Variants in ZDHHC11B observed in about 807,000 individuals in gnomAD.
ZDHHC11B encodes the protein zDHHC palmitoyltransferase 11B (putative).
A neutral mutation model predicts 42.3 loss-of-function variants in ZDHHC11B; 17 were observed. That is an observed-to-expected ratio of 0.40 (90% CI 0.27 to 0.60). The LOEUF (loss-of-function observed/expected upper bound fraction) is 0.60. Among genes scored for constraint, ZDHHC11B ranks in the 20% least tolerant of loss-of-function variants. The pLI, the probability that ZDHHC11B is intolerant of heterozygous loss-of-function variation, is 0.41. For synonymous variants in ZDHHC11B, 123 were observed against 193.5 expected, an observed-to-expected ratio of 0.64 and a Z score of 3.02; for missense variants, 262 against 463.2, an observed-to-expected ratio of 0.57 and a Z score of 3.99.
rs200283481 is a variant in ZDHHC11B, at chr5:774,939, A to C, written c.-229-6009T>G. ...GCCTACACCACTGCTCTTCACGTGG[A>C]TGGCTGTGGGGTGGCTGAGCCTTGC... On this transcript the variant is annotated intron_variant, in intron 1 of 13. Transcript: ENST00000508859. Among the ~76,000 whole-genome samples, 340 of 151,934 alleles carry C rather than the reference A, an allele frequency of 2.2e-3. No individual in the cohort carries two copies. The East Asian group carries it at 0.06, about 27-fold the overall frequency.
In ZDHHC11B at chr5:771,674, C is replaced by T. The variant is rs577424828; in HGVS notation, c.-229-2744G>A. ...TCCCCTGGGCCTCTGCAGCAGGGGT[C>T]GCTGGACAGGAGGAGCAGCTGAGAA... is the stretch of plus-strand genomic sequence containing the variant. On this transcript the variant is annotated intron_variant, in intron 1 of 13. Transcript: ENST00000508859. Among the ~76,000 whole-genome samples the T allele has an allele frequency of 1.3e-3, 193 of 151,794 alleles. 2 individuals carry two copies. Among genetic ancestry groups the T allele is most frequent in the African/African-American group, 4.5e-3 (188 of 41,376 alleles).
intron 11 of ZDHHC11B, among the ~76,000 whole-genome samples, chr5:730,865 A>G (rs1396120826): frequency 6.6e-6 from 1 of 151,890 alleles, no homozygotes; most frequent in Non-Finnish European, 1.5e-5. Flanking sequence ...GTGAGAGGAC[A>G]CAGAGAACAG....
At chr5:739,946 C>T (rs1743982590) in intron 10 of ZDHHC11B, among the ~76,000 whole-genome samples, 1 of 151,812 alleles carries the variant, frequency 6.6e-6, no homozygotes, top group African/African-American at 2.4e-5. Context: ...TACTACTCAG[C>T]CATAAAAAGG....
intron 1 of ZDHHC11B, among the ~76,000 whole-genome samples, chr5:775,708 C>T (rs1302245694): frequency 6.6e-6 from 1 of 151,808 alleles, no homozygotes; most frequent in African/African-American, 2.4e-5. Flanking sequence ...GAGACGCCGC[C>T]CAGGAGTCCA....
chr5:733,806 T>A lies in ZDHHC11B; in HGVS notation c.969A>T (p.Lys323Asn). 2 of 1,489,462 alleles carry A rather than the reference T, an allele frequency of 1.3e-6. No individual in the cohort carries two copies. The highest frequency in any genetic ancestry group is 1.8e-6 in the Non-Finnish European group (2 of 1,116,356). The allele number at this position is 1,489,462 out of a possible 1,614,324, so 92.3% of individuals were successfully genotyped here. Reference sequence around the variant, plus strand: ...CTGAAGTGCAGAAGTGACATGGGCATTTGTAAATCAGCAGGGAGCTCTTGG... The same window carrying A: ...CTGAAGTGCAGAAGTGACATGGGCAATTGTAAATCAGCAGGGAGCTCTTGG... ...VKAKSSLLIYKCPCHFCTSVN... is the reference protein window; with the variant it reads ...VKAKSSLLIYNCPCHFCTSVN... Residue 323 changes from lysine (K) to asparagine (N), a missense_variant, in exon 11 of 14, where the codon AAA (lysine) becomes AAT (asparagine). Physicochemically the swap from Lys to Asn is moderately conservative, Grantham distance 94. This residue lies in a region of ZDHHC11B where 75 missense variants were observed against 70.1 expected (regional missense o/e 1.07). Coordinates refer to ENST00000508859, the MANE Select transcript of ZDHHC11B (RefSeq NM_001351303.2).
chr5:769,839 C>G (rs1346928126), intron 1 of ZDHHC11B, among the ~76,000 whole-genome samples: 1 of 152,052 alleles, frequency 6.6e-6, no homozygotes, highest in South Asian at 2.1e-4. Flanking sequence ...AGACTGAGCT[C>G]GGGATGTGAA....
intron 9 of ZDHHC11B, among the ~76,000 whole-genome samples, chr5:744,699 C>T (rs781147174): frequency 2.7e-5 from 4 of 148,082 alleles, no homozygotes; most frequent in African/African-American, 5.0e-5. Flanking sequence ...GTCAAAACCA[C>T]GTCTCTACTA....
At chr5:730,737 G>A (rs544939447) in intron 11 of ZDHHC11B, among the ~76,000 whole-genome samples, 2 of 151,708 alleles carry the variant, frequency 1.3e-5, no homozygotes, top group East Asian at 3.9e-4. Flanking sequence ...GTGGAGACAG[G>A]GTCTTGAAAG....
intron 12 of ZDHHC11B, among the ~76,000 whole-genome samples, chr5:722,591 C>A (rs1742271469): frequency 6.6e-6 from 1 of 151,604 alleles, no homozygotes; most frequent in East Asian, 1.9e-4. Context: ...ACATGTGCAA[C>A]ACCTTTAAAA....
chr5:736,312 A>T (rs931871413), intron 10 of ZDHHC11B, among the ~76,000 whole-genome samples: 2 of 149,920 alleles, frequency 1.3e-5, no homozygotes, highest in African/African-American at 4.9e-5. Context: ...AACCCCCCAA[A>T]TTTATAAAAC....
intron 4 of ZDHHC11B, among the ~76,000 whole-genome samples, chr5:758,213 G>A (rs1734116802): frequency 6.6e-6 from 1 of 151,892 alleles, no homozygotes; most frequent in African/African-American, 2.4e-5. Context: ...ATGAGATGAG[G>A]CAGGAAGCTG....
At chr5:772,266 G>C (rs1736124749) in intron 1 of ZDHHC11B, among the ~76,000 whole-genome samples, 1 of 149,212 alleles carries the variant, frequency 6.7e-6, no homozygotes, top group Admixed American at 6.8e-5. Flanking sequence ...CTGCTGGGCA[G>C]GCACCACCTG....
intron 11 of ZDHHC11B, among the ~76,000 whole-genome samples, chr5:733,307 A>G (rs1743186140): frequency 6.6e-6 from 1 of 151,730 alleles, no homozygotes; most frequent in Non-Finnish European, 1.5e-5. Context: ...GTGTGACCAC[A>G]CACACATCGT....
rs1372699879 is a variant in ZDHHC11B, at chr5:753,849, G to A, written c.503+1149C>T. Reference sequence around the variant, plus strand: ...GGTGCGTCCTGTGACACCAGGCAACGTTGGTCCCCACTCCCACGCACACCA... The same window carrying A: ...GGTGCGTCCTGTGACACCAGGCAACATTGGTCCCCACTCCCACGCACACCA... On this transcript the variant is annotated intron_variant, in intron 6 of 13. Transcript: ENST00000508859. Among the ~76,000 whole-genome samples, 7 of 147,202 alleles carry A rather than the reference G, an allele frequency of 4.8e-5. No individual in the cohort carries two copies. The South Asian group carries it at 7.1e-4, about 15-fold the overall frequency.
At chr5:742,056 A>G (rs1444926901) in intron 9 of ZDHHC11B, among the ~76,000 whole-genome samples, 1 of 131,866 alleles carries the variant, frequency 7.6e-6, no homozygotes, top group Non-Finnish European at 1.6e-5. Flanking sequence ...AATGATGTTG[A>G]GCATTTTTTT....
intron 1 of ZDHHC11B, among the ~76,000 whole-genome samples, chr5:777,024 C>G (rs542456769): frequency 3.3e-5 from 5 of 151,880 alleles, no homozygotes; most frequent in Non-Finnish European, 5.9e-5. Context: ...CAGCACAGGA[C>G]GCAGTGTGTC....
chr5:729,171 G>A lies in ZDHHC11B; in HGVS notation c.1058+1263C>T, dbSNP rs1156489489. Reference sequence around the variant, plus strand: ...CTCTAGAGGAACCCCAAGCAGCTCCGAGCCATGAGGTGTGGGTGCTCCTTC... The same window carrying A: ...CTCTAGAGGAACCCCAAGCAGCTCCAAGCCATGAGGTGTGGGTGCTCCTTC... On this transcript the variant is annotated intron_variant, in intron 12 of 13. Coordinates refer to ENST00000508859, the MANE Select transcript of ZDHHC11B (RefSeq NM_001351303.2). 2.6e-5 allele frequency among the ~76,000 whole-genome samples: 4 copies of A among 151,198 alleles called. No individual in the cohort carries two copies. In the East Asian group the frequency reaches 5.8e-4, roughly 22 times the overall value.
rs373142053 is a variant in ZDHHC11B at position 711,521 on chromosome 5, A to G, written c.*769T>C. On this transcript the variant is annotated 3_prime_UTR_variant, in exon 14 of 14. Transcript: ENST00000508859. ...TCCCAGTACTGTGCTCATATTTCCC[A>G]GTACTGTGCTCCCATTTCCCAAAAC... 3,702 of 144,320 alleles carry G rather than the reference A, an allele frequency of 0.026. 2 individuals are homozygous for G. Among genetic ancestry groups the G allele is most frequent in the Non-Finnish European group, 0.039 (2,623 of 67,120 alleles). 8.9% of individuals were successfully genotyped at this position (144,320 alleles called of 1,614,324 possible). A position where few individuals can be genotyped will look rare whatever the true frequency, so the allele number is the denominator to read the frequency against.
intron 4 of ZDHHC11B, among the ~76,000 whole-genome samples, chr5:759,925 G>A (rs751940435): frequency 9.1e-4 from 138 of 151,988 alleles, no homozygotes; most frequent in African/African-American, 3.2e-3. Flanking sequence ...CAAGGGGCCC[G>A]AGGGGGTCGC....
Sources: allele counts gnomAD v4.1 joint callset (sites outside exome capture counted in the v4.1 genomes callset), GRCh38; gene constraint gnomAD v4.1.1; regional missense constraint gnomAD v4.1.1; transcripts MANE v1.5; gene names NCBI Gene and HGNC (gene_info 2026-07-23, HGNC 2026-07-21).